The following RGS6 variants were observed in gnomAD, a reference collection of about 807,000 sequenced individuals.
RGS6 encodes the protein regulator of G-protein signaling 6.
A neutral mutation model predicts 78.5 loss-of-function variants in RGS6; 30 were observed. That is an observed-to-expected ratio of 0.38 (90% CI 0.29 to 0.52). The LOEUF is 0.52. Ranked by LOEUF, RGS6 falls within the 20% of genes least tolerant of loss-of-function variation. The probability of loss-of-function intolerance (pLI) is 0.85; values close to 1 mark genes in which losing one functional copy is unlikely to be tolerated. For missense variants in RGS6, 495 were observed against 609.7 expected (o/e 0.81, Z 1.98); for synonymous variants, 206 against 206.0 (o/e 1.00, Z 0.00).
At chr14:72,357,905 G>C (rs534196170) in intron 3 of RGS6, among the ~76,000 whole-genome samples, 1 of 152,140 alleles carries the variant, frequency 6.6e-6, no homozygotes, top group Non-Finnish European at 1.5e-5. Flanking sequence ...CCCACCACAG[G>C]CCCAGAGACC....
chr14:71,909,618 GA>G, the RGS6 span, among the ~76,000 whole-genome samples: 1 of 44,490 alleles, frequency 2.2e-5, no homozygotes, highest in African/African-American at 9.2e-5. Context: ...AAAGGAGAGA[GA>G]GGGGGGAAAG....
At chr14:72,525,853 G>C (rs1422320226) in intron 15 of RGS6, among the ~76,000 whole-genome samples, 2 of 152,154 alleles carry the variant, frequency 1.3e-5, no homozygotes, top group Non-Finnish European at 2.9e-5. Flanking sequence ...TCTGGGGGTT[G>C]CTCATTTTAT....
At chr14:72,457,768 G>T (rs1328927674) in intron 4 of RGS6, among the ~76,000 whole-genome samples, 2 of 152,176 alleles carry the variant, frequency 1.3e-5, no homozygotes, top group African/African-American at 4.8e-5. Flanking sequence ...TAAGAGAAGG[G>T]TGACACCCTT....
At chr14:72,234,055 G>A (rs1048483642) in intron 2 of RGS6, among the ~76,000 whole-genome samples, 1 of 152,176 alleles carries the variant, frequency 6.6e-6, no homozygotes, top group African/African-American at 2.4e-5. Context: ...ACTTCCTGGA[G>A]ATGGGGAGAG....
intron 2 of RGS6, among the ~76,000 whole-genome samples, chr14:72,167,704 C>G (rs1035667973): frequency 6.6e-6 from 1 of 152,184 alleles, no homozygotes. Flanking sequence ...AGAACACTTA[C>G]TCCAAAAATT....
At chr14:72,146,266 A>G (rs1298247508) in intron 2 of RGS6, among the ~76,000 whole-genome samples, 2 of 152,176 alleles carry the variant, frequency 1.3e-5, no homozygotes, top group African/African-American at 4.8e-5. Flanking sequence ...TCTACCTCTC[A>G]ACACTCTTGC....
Position 71,948,738 on chromosome 14 carries a change from C to CTTTTTTTTTTTTTTTT in RGS6, c.-21+15798_-21+15799insTTTTTTTTTTTTTTTT, listed in dbSNP as rs766352167. On this transcript the variant is annotated intron_variant, in intron 1 of 17. Coordinates refer to ENST00000553525, the MANE Select transcript of RGS6 (RefSeq NM_001204424.2). ...AAGCTGATTTCCTTTCTCTCTCTCT[C>CTTTTTTTTTTTTTTTT]TCTTTTTTTTTTTTTTTTTTTTTTT... 2.5e-4 allele frequency among the ~76,000 whole-genome samples: 19 copies of CTTTTTTTTTTTTTTTT among 75,218 alleles called. 1 individual carries two copies. Among genetic ancestry groups the CTTTTTTTTTTTTTTTT allele is most frequent in the Admixed American group, 2.0e-3 (13 of 6,380 alleles). The allele number at this position is 75,218 out of a possible 152,430, so 49.3% of individuals were successfully genotyped here. A position where few individuals can be genotyped will look rare whatever the true frequency, so the allele number is the denominator to read the frequency against.
the RGS6 span, among the ~76,000 whole-genome samples, chr14:71,871,054 G>A: frequency 6.6e-6 from 1 of 152,174 alleles, no homozygotes; most frequent in African/African-American, 2.4e-5. Context: ...CCAGCCCAGG[G>A]GTTCCAGCTG....
intron 2 of RGS6, among the ~76,000 whole-genome samples, chr14:72,117,455 T>C (rs902684185): frequency 2.0e-5 from 3 of 151,480 alleles, no homozygotes; most frequent in Non-Finnish European, 4.4e-5. Flanking sequence ...CCTTTCACCA[T>C]GATTGTAGCT....
At chr14:72,080,847 C>T (rs2094792445) in intron 2 of RGS6, among the ~76,000 whole-genome samples, 1 of 152,018 alleles carries the variant, frequency 6.6e-6, no homozygotes, top group South Asian at 2.1e-4. Context: ...GGATTTATTT[C>T]TGGGCTTTCT....
intron 17 of RGS6, among the ~76,000 whole-genome samples, chr14:72,548,325 A>AT (rs1286971358): frequency 2.9e-5 from 4 of 135,876 alleles, no homozygotes; most frequent in African/African-American, 1.2e-4. Context: ...ACCAGATCAT[A>AT]TTTGTGTGTG....
the RGS6 span, among the ~76,000 whole-genome samples, chr14:72,597,941 A>G: frequency 6.6e-6 from 1 of 152,116 alleles, no homozygotes; most frequent in East Asian, 1.9e-4. Flanking sequence ...AACCCACCCC[A>G]TTCCCACTCA....
chr14:72,356,268 G>A (rs1368623084), intron 3 of RGS6, among the ~76,000 whole-genome samples: 1 of 152,086 alleles, frequency 6.6e-6, no homozygotes, highest in Non-Finnish European at 1.5e-5. Context: ...AATAGCGAGT[G>A]AGTTCTCACA....
chr14:72,525,753 T>C (rs1258567297), intron 15 of RGS6, among the ~76,000 whole-genome samples: 2 of 152,200 alleles, frequency 1.3e-5, no homozygotes, highest in Non-Finnish European at 2.9e-5. Flanking sequence ...CACACCAAGT[T>C]TCCTGGTATT....
At chr14:72,359,549 G>A (rs1042527224) in intron 3 of RGS6, among the ~76,000 whole-genome samples, 1 of 152,166 alleles carries the variant, frequency 6.6e-6, no homozygotes, top group Non-Finnish European at 1.5e-5. Context: ...CCATCAGCAT[G>A]TAGACAGTAT....
chr14:72,136,215 C>A (rs1187285785), intron 2 of RGS6, among the ~76,000 whole-genome samples: 1 of 152,086 alleles, frequency 6.6e-6, no homozygotes, highest in Non-Finnish European at 1.5e-5. Flanking sequence ...TTTACACTCC[C>A]ACTATCACCC....
intron 15 of RGS6, among the ~76,000 whole-genome samples, chr14:72,528,578 C>T (rs1208551930): frequency 6.6e-6 from 1 of 152,102 alleles, no homozygotes; most frequent in African/African-American, 2.4e-5. Context: ...TCTGGTAGTT[C>T]TGCTTGTTCA....
At chr14:72,504,921 AT>A (rs34953560) in intron 13 of RGS6, among the ~76,000 whole-genome samples, 798 of 76,046 alleles carry the variant, frequency 0.01, 7 homozygotes, top group African/African-American at 0.03. Flanking sequence ...CGCCCAGCTA[AT>A]TTTTTTTTTT....
rs189110052 is a variant in RGS6 at position 72,493,393 on chromosome 14, C to T, written c.855-1759C>T. Among the ~76,000 whole-genome samples the T allele has an allele frequency of 1.7e-4, 26 of 151,694 alleles. No homozygotes were observed. The East Asian group carries it at 5.0e-3, about 29-fold the overall frequency. ...AACTCTGAAACTTAGAAAGTAATGGCTCAAAATTAAAAAATAAATAAATAG... is the reference window on the plus strand; with the variant it reads ...AACTCTGAAACTTAGAAAGTAATGGTTCAAAATTAAAAAATAAATAAATAG... On this transcript the variant is annotated intron_variant, in intron 12 of 17. Coordinates refer to ENST00000553525, the MANE Select transcript of RGS6 (RefSeq NM_001204424.2).
Sources: gnomAD v4.1 joint callset for allele counts (sites outside exome capture counted in the v4.1 genomes callset) on GRCh38, gnomAD v4.1.1 for gene constraint, MANE v1.5 for transcripts, NCBI Gene and HGNC (gene_info 2026-07-23, HGNC 2026-07-21) for gene names.